The following PTPRA variants were observed in gnomAD, a reference collection of about 807,000 sequenced individuals.
PTPRA encodes receptor-type tyrosine-protein phosphatase alpha.
In PTPRA, 25 loss-of-function variants were observed where a neutral mutation model predicts 104.8. The ratio of observed to expected loss-of-function variants is 0.24; its 90% confidence interval spans 0.17 to 0.33. PTPRA has a LOEUF of 0.33. Among genes scored for constraint, PTPRA ranks in the 10% least tolerant of loss-of-function variants. The pLI is 1.00. For missense variants in PTPRA, 765 were observed against 1,015.3 expected, an observed-to-expected ratio of 0.75 and a Z score of 3.35; for synonymous variants, 323 against 368.9, an observed-to-expected ratio of 0.88 and a Z score of 1.43.
chr20:2,919,150 T>C (rs896394219), intron 1 of PTPRA, among the ~76,000 whole-genome samples: 1 of 152,146 alleles, frequency 6.6e-6, no homozygotes, highest in Non-Finnish European at 1.5e-5. Context: ...AAGTTGATTG[T>C]CTCAAATTTC....
chr20:3,023,526 T>C (rs1321878983), intron 16 of PTPRA, among the ~76,000 whole-genome samples: 1 of 152,254 alleles, frequency 6.6e-6, no homozygotes, highest in Non-Finnish European at 1.5e-5. Flanking sequence ...TACTGCTCTT[T>C]ACTGCACTGA....
the PTPRA span, chr20:2,866,650 C>A: frequency 1.9e-6 from 3 of 1,581,716 alleles, no homozygotes; most frequent in Non-Finnish European, 2.6e-6. Flanking sequence ...CATAGTTCAT[C>A]CAGCTCCTCC....
intron 5 of PTPRA, among the ~76,000 whole-genome samples, chr20:2,973,360 G>C (rs1422700835): frequency 1.3e-5 from 2 of 152,048 alleles, no homozygotes; most frequent in Non-Finnish European, 2.9e-5. Flanking sequence ...ATTTAGTGCT[G>C]TGAATTTTGA....
chr20:2,980,378 G>T (rs6115747), intron 6 of PTPRA, among the ~76,000 whole-genome samples: 1 of 151,392 alleles, frequency 6.6e-6, no homozygotes, highest in Non-Finnish European at 1.5e-5. Context: ...GACCAGGCTG[G>T]CCAACATAGT....
At chr20:2,868,728 G>A (rs1388357866), upstream of PTPRA, among the ~76,000 whole-genome samples, 1 of 136,250 alleles carries the variant, frequency 7.3e-6, no homozygotes, top group East Asian at 2.2e-4. Context: ...CCAGCTTTTC[G>A]AGTTCTCAAT....
chr20:2,866,470 A>G, the PTPRA span: 1 of 1,614,062 alleles, frequency 6.2e-7, no homozygotes, highest in South Asian at 1.1e-5. Flanking sequence ...CGAACACCGG[A>G]ATGAGGCTGA....
intron 2 of PTPRA, among the ~76,000 whole-genome samples, chr20:2,942,465 G>A (rs1027777364): frequency 5.3e-5 from 8 of 151,824 alleles, no homozygotes; most frequent in Non-Finnish European, 7.4e-5. Context: ...CTTTTAAACA[G>A]CATATAATTG....
chr20:2,870,510 T>C (rs1290895182), upstream of PTPRA, among the ~76,000 whole-genome samples: 1 of 152,268 alleles, frequency 6.6e-6, no homozygotes, highest in Non-Finnish European at 1.5e-5. Context: ...CTTTTGTTTA[T>C]TGTCTGTGTT....
chr20:2,988,349 G>T lies in PTPRA; in HGVS notation c.613G>T (p.Val205Leu). ...GRTEDVEPQS[V>L]PLLARSPSTN... ...CTTGTGTACTGCAGAGCCCCAGAGTGTGCCACTTCTGGCCAGATCCCCAAG... is the reference window on the plus strand; with the variant it reads ...CTTGTGTACTGCAGAGCCCCAGAGTTTGCCACTTCTGGCCAGATCCCCAAG... The change falls in exon 9 of 24, where the codon GTG (valine) becomes TTG (leucine). Residue 205 changes from valine (V) to leucine (L), a missense_variant. By Grantham distance (32) the Val-to-Leu change is conservative (BLOSUM62 1). Coordinates refer to ENST00000399903, the MANE Select transcript of PTPRA (RefSeq NM_001385305.1). 1 of 1,601,402 alleles carries T rather than the reference G, an allele frequency of 6.2e-7. No individual in the cohort carries two copies. Among genetic ancestry groups the T allele is most frequent in the Non-Finnish European group, 8.5e-7 (1 of 1,176,892 alleles).
intron 13 of PTPRA, among the ~76,000 whole-genome samples, chr20:3,019,228 C>T (rs112494558): frequency 4.9e-5 from 7 of 143,834 alleles, no homozygotes; most frequent in African/African-American, 1.7e-4. Flanking sequence ...CCCTCCCGGA[C>T]GGGGCGGCTG....
intron 6 of PTPRA, among the ~76,000 whole-genome samples, chr20:2,976,982 T>C (rs982530429): frequency 2.0e-5 from 3 of 152,154 alleles, no homozygotes; most frequent in African/African-American, 7.2e-5. Flanking sequence ...GCATATTATT[T>C]TAAAATATAT....
At chr20:3,020,049 C>G (rs539921094) in intron 13 of PTPRA, among the ~76,000 whole-genome samples, 2 of 152,206 alleles carry the variant, frequency 1.3e-5, no homozygotes, top group South Asian at 2.1e-4. Context: ...GGCTCGGCAT[C>G]GGAGGGAGAC....
intron 1 of PTPRA, among the ~76,000 whole-genome samples, chr20:2,889,114 G>C (rs1014181130): frequency 5.9e-5 from 9 of 152,160 alleles, no homozygotes; most frequent in African/African-American, 2.2e-4. Flanking sequence ...AAGGGCTTTT[G>C]TATACAGAAG....
intron 11 of PTPRA, among the ~76,000 whole-genome samples, 163 bp from the exon 12 acceptor site, chr20:3,015,686 C>G (rs944290650): frequency 6.6e-6 from 1 of 152,172 alleles, no homozygotes; most frequent in Non-Finnish European, 1.5e-5. Context: ...ATCTCTAATT[C>G]CTAGCTCTAA....
intron 1 of PTPRA, among the ~76,000 whole-genome samples, chr20:2,909,971 T>G (rs1568649183): frequency 8.4e-6 from 1 of 119,502 alleles, no homozygotes; most frequent in African/African-American, 3.4e-5. Context: ...ATGATATATA[T>G]ATAATCTATC....
chr20:2,969,978 T>TAATAAATAAATA (rs111309365), intron 5 of PTPRA, among the ~76,000 whole-genome samples: 56,809 of 149,756 alleles, frequency 0.38, 12,374 homozygotes, highest in Non-Finnish European at 0.49. Context: ...TCTAAATAAA[T>TAATAAATAAATA]AATAAATAAA....
At chr20:2,996,088 T>G (rs767861436) in intron 9 of PTPRA, among the ~76,000 whole-genome samples, 1 of 152,216 alleles carries the variant, frequency 6.6e-6, no homozygotes. Flanking sequence ...CCCACTCTGA[T>G]AGTAATTGCT....
chr20:2,949,679 G>A (rs1263898621), intron 3 of PTPRA, among the ~76,000 whole-genome samples: 1 of 151,370 alleles, frequency 6.6e-6, no homozygotes, highest in Non-Finnish European at 1.5e-5. Context: ...ATTTTCAAAG[G>A]AATGCTTTCC....
chr20:2,892,805 T>C (rs2058850807), intron 1 of PTPRA, among the ~76,000 whole-genome samples: 1 of 152,194 alleles, frequency 6.6e-6, no homozygotes, highest in Non-Finnish European at 1.5e-5. Context: ...TTGAGTTTAG[T>C]GGCAGCAGAA....
Sources: allele counts gnomAD v4.1 joint callset (sites outside exome capture counted in the v4.1 genomes callset), GRCh38; gene constraint gnomAD v4.1.1; transcripts MANE v1.5; gene names NCBI Gene and HGNC (gene_info 2026-07-23, HGNC 2026-07-21).